The following MACC1 variants were observed in gnomAD, a reference collection of about 807,000 sequenced individuals.
MACC1 encodes metastasis-associated in colon cancer protein 1.
A neutral mutation model predicts 70.7 loss-of-function variants in MACC1; 79 were observed. The observed-to-expected ratio is 1.12, with a 90% CI of 0.93 to 1.35. The LOEUF (loss-of-function observed/expected upper bound fraction) is 1.35. MACC1 is among the 40% of genes most tolerant of loss of function. The probability of loss-of-function intolerance (pLI) is 0.00; values close to 1 mark genes in which losing one functional copy is unlikely to be tolerated. For missense variants in MACC1, 1,106 were observed against 978.1 expected, an observed-to-expected ratio of 1.13 and a Z score of -1.74; for synonymous variants, 361 against 347.2, an observed-to-expected ratio of 1.04 and a Z score of -0.44.
At position 20,141,026 on chromosome 7, in the gene MACC1, C is replaced by A. The variant is rs776961275; in HGVS notation, c.2479G>T (p.Glu827Ter). 4 of 1,614,086 alleles carry A rather than the reference C, an allele frequency of 2.5e-6. No individual in the cohort carries two copies. The highest frequency in any genetic ancestry group is 2.2e-5 in the East Asian group (1 of 44,886). The change falls in exon 7 of 7, where the codon GAA becomes TAA. Residue 827 changes from glutamate (E) to a stop codon, truncating the protein, a stop_gained. Transcript: ENST00000400331. LOFTEE classifies it high-confidence loss of function. ...MKNPVTKHWRELTGVLILVNS... is the reference protein window; with the variant it reads ...MKNPVTKHWR ...ACTAGTATTAAAACTCCAGTTAATT[C>A]TCTCCAGTGTTTAGTCACAGGGTTT...
chr7:20,197,229 A>T (rs1344167709), intron 1 of MACC1, among the ~76,000 whole-genome samples: 1 of 152,212 alleles, frequency 6.6e-6, no homozygotes, highest in South Asian at 2.1e-4. Context: ...TCAACAAGTC[A>T]GTTAATATTT....
intron 1 of MACC1, among the ~76,000 whole-genome samples, chr7:20,177,941 A>T (rs1782422210): frequency 6.6e-6 from 1 of 152,072 alleles, no homozygotes; most frequent in African/African-American, 2.4e-5. Flanking sequence ...CTTTAAAATC[A>T]TTTAAAAACA....
intron 1 of MACC1, among the ~76,000 whole-genome samples, chr7:20,192,868 T>G (rs7797884): frequency 6.6e-6 from 1 of 152,338 alleles, no homozygotes; most frequent in Admixed American, 6.5e-5. Flanking sequence ...CATCCCGTAC[T>G]GATGAAATTG....
At chr7:20,192,215 T>C (rs1349321492) in intron 1 of MACC1, among the ~76,000 whole-genome samples, 2 of 152,136 alleles carry the variant, frequency 1.3e-5, no homozygotes, top group African/African-American at 2.4e-5. Context: ...CAAATTCCAA[T>C]ATAGGGTATT....
rs1322706509 is a variant in MACC1, at chr7:20,217,314, C to T, written c.-233G>A. 1 of 152,244 alleles carries T rather than the reference C, an allele frequency of 6.6e-6. No individual in the cohort carries two copies. Among genetic ancestry groups the T allele is most frequent in the African/African-American group, 2.4e-5 (1 of 41,548 alleles). The allele number at this position is 152,244 out of a possible 1,614,324, so 9.4% of individuals were successfully genotyped here. On this transcript the variant is annotated 5_prime_UTR_variant, in exon 1 of 7. Transcript: ENST00000400331. Reference sequence around the variant, plus strand: ...CAGCACTTACATTTGTGGAAGTGAGCCCAAGCTTCTTCAGTTCAGACACAT... The same window carrying T: ...CAGCACTTACATTTGTGGAAGTGAGTCCAAGCTTCTTCAGTTCAGACACAT...
At chr7:20,182,228 T>A (rs993760796) in intron 1 of MACC1, among the ~76,000 whole-genome samples, 1 of 150,296 alleles carries the variant, frequency 6.7e-6, no homozygotes, top group Non-Finnish European at 1.5e-5. Flanking sequence ...CATTAGGAGA[T>A]ATACCTAATG....
intron 3 of MACC1, among the ~76,000 whole-genome samples, chr7:20,163,940 T>C (rs964222867): frequency 2.0e-5 from 3 of 152,216 alleles, no homozygotes; most frequent in African/African-American, 7.2e-5. Flanking sequence ...TTATCATTAT[T>C]TGTTTATTTA....
In MACC1 at chr7:20,136,470, T is replaced by C. The variant is rs1230726077; in HGVS notation, c.*4476A>G. ...ATAAATAGAAAATCAATGTAAAATA[T>C]ACATGCAAAAGATACACATTTCTAC... On this transcript the variant is annotated 3_prime_UTR_variant, in exon 7 of 7. Transcript: ENST00000400331. 6.6e-6 allele frequency: 1 copy of C among 152,178 alleles called. No individual in the cohort carries two copies. The highest frequency in any genetic ancestry group is 2.4e-5 in the African/African-American group (1 of 41,454). The allele number at this position is 152,178 out of a possible 1,614,324, so 9.4% of individuals were successfully genotyped here. A position where few individuals can be genotyped will look rare whatever the true frequency, so the allele number is the denominator to read the frequency against.
chr7:20,215,111 T>C (rs917399621), intron 1 of MACC1, among the ~76,000 whole-genome samples: 1 of 149,652 alleles, frequency 6.7e-6, no homozygotes, highest in African/African-American at 2.5e-5. Flanking sequence ...TATTTATTTA[T>C]TTATTTGGTC....
chr7:20,213,121 G>T (rs1164618678), intron 1 of MACC1, among the ~76,000 whole-genome samples: 1 of 152,056 alleles, frequency 6.6e-6, no homozygotes, highest in Non-Finnish European at 1.5e-5. Flanking sequence ...CTTCCCTTTG[G>T]AAGCTCTCTT....
At chr7:20,179,187 C>G (rs3114455) in intron 1 of MACC1, among the ~76,000 whole-genome samples, 78,679 of 151,838 alleles carry the variant, frequency 0.52, 23,018 homozygotes, top group East Asian at 0.89. Context: ...TAAATATTCT[C>G]ATCAGTGCTT....
intron 6 of MACC1, among the ~76,000 whole-genome samples, chr7:20,152,620 C>T (rs1428870520): frequency 6.6e-6 from 1 of 152,144 alleles, no homozygotes; most frequent in Non-Finnish European, 1.5e-5. Flanking sequence ...CACCTAGGGG[C>T]TTTCCTTTCT....
At position 20,159,128 on chromosome 7, in the gene MACC1, G is replaced by T; in HGVS notation, c.1233C>A (p.Asn411Lys). Reference protein sequence around the residue: ...TISDIKKGGKNISPVVFQLWG... With the variant: ...TISDIKKGGKKISPVVFQLWG... Reference sequence around the variant, plus strand: ...AGAGCTGAAACACAACTGGAGATATGTTTTTTCCACCCTTCTTAATATCAG... The same window carrying T: ...AGAGCTGAAACACAACTGGAGATATTTTTTTTCCACCCTTCTTAATATCAG... Residue 411 changes from asparagine to lysine, a missense_variant, in exon 5 of 7, where the codon AAC becomes AAA. Asn to Lys is a moderately conservative substitution (Grantham distance 94). Coordinates refer to ENST00000400331, the MANE Select transcript of MACC1 (RefSeq NM_182762.4). 6.2e-7 allele frequency: 1 copy of T among 1,613,846 alleles called. No individual in the cohort carries two copies. Among genetic ancestry groups the T allele is most frequent in the Non-Finnish European group, 8.5e-7 (1 of 1,179,982 alleles).
chr7:20,174,356 T>C (rs538991911), intron 1 of MACC1, among the ~76,000 whole-genome samples: 2 of 152,252 alleles, frequency 1.3e-5, no homozygotes, highest in South Asian at 4.1e-4. Flanking sequence ...TAGGATCAAA[T>C]ACAATGAATC....
intron 1 of MACC1, among the ~76,000 whole-genome samples, chr7:20,190,614 T>C (rs915780447): frequency 2.6e-5 from 4 of 152,334 alleles, no homozygotes; most frequent in African/African-American, 7.2e-5. Flanking sequence ...GCATAAAAAT[T>C]CTGGAGCAGT....
intron 5 of MACC1, among the ~76,000 whole-genome samples, chr7:20,155,880 G>A (rs556588759): frequency 4.7e-4 from 71 of 152,226 alleles, no homozygotes; most frequent in African/African-American, 1.7e-3. Flanking sequence ...TTGTTTTAGG[G>A]AAAAGATCTG....
chr7:20,145,125 C>G (rs944253720), intron 6 of MACC1, among the ~76,000 whole-genome samples: 1 of 152,128 alleles, frequency 6.6e-6, no homozygotes, highest in African/African-American at 2.4e-5. Flanking sequence ...AGAACATTAA[C>G]AAAAGCTATA....
At chr7:20,195,056 T>C (rs1312549766) in intron 1 of MACC1, among the ~76,000 whole-genome samples, 2 of 152,180 alleles carry the variant, frequency 1.3e-5, no homozygotes, top group Admixed American at 6.5e-5. Context: ...AGTCTGGGGA[T>C]AGGAAAATTT....
chr7:20,146,821 T>C (rs1054597846), intron 6 of MACC1, among the ~76,000 whole-genome samples: 60 of 152,342 alleles, frequency 3.9e-4, no homozygotes, highest in African/African-American at 1.3e-3. Context: ...CTCAGCCTTC[T>C]CATTTCTATC....
Sources: gnomAD v4.1 joint callset for allele counts (sites outside exome capture counted in the v4.1 genomes callset) on GRCh38, gnomAD v4.1.1 for gene constraint, MANE v1.5 for transcripts, NCBI Gene and HGNC (gene_info 2026-07-23, HGNC 2026-07-21) for gene names.